Variants in CSMD1 observed in about 807,000 individuals in gnomAD.
CSMD1 encodes the protein CUB and Sushi multiple domains 1, also known as CUB and sushi domain-containing protein 1.
A neutral mutation model predicts 417.5 loss-of-function variants in CSMD1; 213 were observed. That is an observed-to-expected ratio of 0.51 (90% CI 0.46 to 0.57). CSMD1 has a LOEUF of 0.57. Among genes scored for constraint, CSMD1 ranks in the 20% least tolerant of loss-of-function variants. The probability of loss-of-function intolerance (pLI) is 0.00; values close to 1 mark genes in which losing one functional copy is unlikely to be tolerated. For synonymous variants in CSMD1, 2,862 were observed against 1,736.8 expected (o/e 1.65, Z -16.11); for missense variants, 6,923 against 4,529.7 (o/e 1.53, Z -15.17).
rs71865924 is a variant in CSMD1 at position 4,289,411 on chromosome 8, G to GCTCGAAAATA, written c.415+130541_415+130542insTATTTTCGAG. Among the ~76,000 whole-genome samples, 3 of 2,690 alleles carry GCTCGAAAATA rather than the reference G, an allele frequency of 1.1e-3. No individual in the cohort carries two copies. In the Non-Finnish European group the frequency reaches 0.12, roughly 112 times the overall value. The allele number at this position is 2,690 out of a possible 152,430, so 1.8% of individuals were successfully genotyped here. A position where few individuals can be genotyped will look rare whatever the true frequency, so the allele number is the denominator to read the frequency against. On this transcript the variant is annotated intron_variant, in intron 3 of 69. Coordinates refer to ENST00000635120, the MANE Select transcript of CSMD1 (RefSeq NM_033225.6). ...ATTAGTTAAAGTAGAGGGAGCCAGG[G>GCTCGAAAATA]CCTGTGTTTCTCCTATTTTTTGCAC...
In CSMD1 at chr8:4,185,835, G is replaced by A. The variant is rs186881805; in HGVS notation, c.416-153736C>T. On this transcript the variant is annotated intron_variant, in intron 3 of 69. Transcript: ENST00000635120. ...CAGAGTCAGAAAGTGCCCTGCATAAGCATGCAATGAACAGAGCAACCGTTC... is the reference window on the plus strand; with the variant it reads ...CAGAGTCAGAAAGTGCCCTGCATAAACATGCAATGAACAGAGCAACCGTTC... 4.9e-3 allele frequency among the ~76,000 whole-genome samples: 747 copies of A among 152,306 alleles called. 3 individuals carry two copies. The highest frequency in any genetic ancestry group is 7.1e-3 in the Non-Finnish European group (485 of 68,028).
intron 18 of CSMD1, among the ~76,000 whole-genome samples, chr8:3,372,890 C>G (rs565821231): frequency 6.6e-6 from 1 of 152,134 alleles, no homozygotes; most frequent in South Asian, 2.1e-4. Flanking sequence ...CTAATGCCAG[C>G]GCACCGCGTA....
chr8:3,558,686 C>T (rs1195869043), intron 10 of CSMD1, among the ~76,000 whole-genome samples: 4 of 151,096 alleles, frequency 2.6e-5, no homozygotes, highest in Middle Eastern at 3.5e-3. Flanking sequence ...CAATGGTACC[C>T]CGTGTCCACT....
At chr8:3,810,912 T>A (rs903861408) in intron 5 of CSMD1, among the ~76,000 whole-genome samples, 3 of 152,174 alleles carry the variant, frequency 2.0e-5, no homozygotes, top group Admixed American at 6.5e-5. Flanking sequence ...GAAAAGTGCT[T>A]CCTCATTCAG....
intron 2 of CSMD1, among the ~76,000 whole-genome samples, chr8:4,545,411 GATTAAT>G (rs1421490086): frequency 6.6e-6 from 1 of 152,148 alleles, no homozygotes; most frequent in Non-Finnish European, 1.5e-5. Flanking sequence ...CGTCTGCCTT[GATTAAT>G]AAGAGTCCTA....
At chr8:3,179,210 G>T (rs1426459979) in intron 37 of CSMD1, among the ~76,000 whole-genome samples, 1 of 151,942 alleles carries the variant, frequency 6.6e-6, no homozygotes, top group Admixed American at 6.5e-5. Flanking sequence ...CTCCCAAAGT[G>T]CTGGGATTAC....
At position 3,847,317 on chromosome 8, in the gene CSMD1, C is replaced by A. The variant is rs1803574542; in HGVS notation, c.819-93275G>T. Among the ~76,000 whole-genome samples the A allele has an allele frequency of 2.6e-5, 4 of 152,148 alleles. No homozygotes were observed. The South Asian group carries it at 8.3e-4, about 32-fold the overall frequency. The stretch of plus-strand genomic sequence containing the variant: ...AGTTGATTTGGGAGAACCTGACCTA[C>A]TTAGAGGAACCCTTAAAAGTGTTCC... On this transcript the variant is annotated intron_variant, in intron 5 of 69. Coordinates refer to ENST00000635120, the MANE Select transcript of CSMD1 (RefSeq NM_033225.6).
chr8:4,405,204 A>C (rs1273511853), intron 3 of CSMD1, among the ~76,000 whole-genome samples: 1 of 152,222 alleles, frequency 6.6e-6, no homozygotes, highest in Non-Finnish European at 1.5e-5. Context: ...TATTTTACTC[A>C]AAGGAGACTA....
intron 12 of CSMD1, among the ~76,000 whole-genome samples, chr8:3,435,768 G>A (rs1563386446): frequency 2.6e-5 from 4 of 152,108 alleles, no homozygotes; most frequent in South Asian, 2.1e-4. Flanking sequence ...TGTGTGTCAG[G>A]TCAGGCAACT....
chr8:3,976,702 C>A (rs1271423456), intron 5 of CSMD1, among the ~76,000 whole-genome samples: 1 of 152,118 alleles, frequency 6.6e-6, no homozygotes, highest in African/African-American at 2.4e-5. Context: ...TACTTATGAA[C>A]CCTTTTAATC....
At chr8:3,363,945 T>C (rs1354179724) in intron 20 of CSMD1, among the ~76,000 whole-genome samples, 2 of 152,136 alleles carry the variant, frequency 1.3e-5, no homozygotes, top group Non-Finnish European at 2.9e-5. Flanking sequence ...TTTTCTACAA[T>C]ATTACCGTTA....
At chr8:4,788,939 T>C (rs1005596996) in intron 1 of CSMD1, among the ~76,000 whole-genome samples, 2 of 152,172 alleles carry the variant, frequency 1.3e-5, no homozygotes, top group African/African-American at 4.8e-5. Flanking sequence ...GGACAGACTG[T>C]AGATGCAGAG....
intron 1 of CSMD1, among the ~76,000 whole-genome samples, chr8:4,949,787 C>T (rs1335199001): frequency 1.3e-5 from 2 of 152,032 alleles, no homozygotes; most frequent in African/African-American, 2.4e-5. Flanking sequence ...GTGGCATTTC[C>T]TAAACATGTA....
intron 1 of CSMD1, among the ~76,000 whole-genome samples, chr8:4,896,994 G>A (rs1804538667): frequency 6.6e-6 from 1 of 152,016 alleles, no homozygotes; most frequent in South Asian, 2.1e-4. Flanking sequence ...GATGTGTCTC[G>A]TTTTTTACAC....
intron 3 of CSMD1, among the ~76,000 whole-genome samples, chr8:4,147,476 T>A (rs569739873): frequency 2.0e-5 from 3 of 152,128 alleles, no homozygotes; most frequent in Non-Finnish European, 4.4e-5. Context: ...CCCTACATGA[T>A]TGCCTTTGTG....
chr8:4,565,116 T>C (rs1360269786), intron 2 of CSMD1, among the ~76,000 whole-genome samples: 5 of 152,228 alleles, frequency 3.3e-5, no homozygotes, highest in Non-Finnish European at 7.3e-5. Flanking sequence ...CTTCTCACTT[T>C]TATTAGAAGT....
At chr8:4,896,048 T>C (rs1156389440) in intron 1 of CSMD1, among the ~76,000 whole-genome samples, 1 of 152,130 alleles carries the variant, frequency 6.6e-6, no homozygotes, top group African/African-American at 2.4e-5. Context: ...TCTTTGTAGT[T>C]CAATGTGTGG....
intron 3 of CSMD1, among the ~76,000 whole-genome samples, chr8:4,051,813 T>C (rs1420192096): frequency 1.3e-5 from 2 of 151,618 alleles, no homozygotes; most frequent in African/African-American, 2.4e-5. Flanking sequence ...ATACTGACAG[T>C]TTTCTTCTCT....
At chr8:4,444,683 A>T (rs1157800866) in intron 2 of CSMD1, among the ~76,000 whole-genome samples, 1 of 152,204 alleles carries the variant, frequency 6.6e-6, no homozygotes, top group Non-Finnish European at 1.5e-5. Context: ...TGTTGAAAAC[A>T]TCAAAAAGCA....
Sources: gnomAD v4.1 joint callset for allele counts (sites outside exome capture counted in the v4.1 genomes callset) on GRCh38, gnomAD v4.1.1 for gene constraint, MANE v1.5 for transcripts, NCBI Gene and HGNC (gene_info 2026-07-23, HGNC 2026-07-21) for gene names.